TTC7B: variants seen among roughly 807,000 people sequenced by gnomAD.
The protein encoded by TTC7B is tetratricopeptide repeat protein 7B.
Under a neutral mutation model 106.8 loss-of-function variants are expected in TTC7B, and 28 were observed. The ratio of observed to expected loss-of-function variants is 0.26; its 90% CI spans 0.19 to 0.36. The LOEUF is 0.36. Among genes scored for constraint, TTC7B ranks in the 10% least tolerant of loss-of-function variants. The pLI, the probability that TTC7B is intolerant of heterozygous loss-of-function variation, is 1.00. For missense variants in TTC7B, 862 were observed against 1,076.4 expected, an observed-to-expected ratio of 0.80 and a Z score of 2.79; for synonymous variants, 405 against 430.6, an observed-to-expected ratio of 0.94 and a Z score of 0.74.
At chr14:90,673,800 T>C (rs1378068439) in intron 9 of TTC7B, among the ~76,000 whole-genome samples, 1 of 152,192 alleles carries the variant, frequency 6.6e-6, no homozygotes, top group African/African-American at 2.4e-5. Flanking sequence ...TGGATAACCT[T>C]GAAAACATTA....
At chr14:90,680,448 G>A (rs113585644) in intron 8 of TTC7B, 24 bp downstream of exon 8, 198 of 1,595,614 alleles carry the variant, frequency 1.2e-4, no homozygotes, top group Non-Finnish European at 1.5e-4. Context: ...GGGAAAGAAC[G>A]ATGTAAAAAC....
At chr14:90,566,075 G>C (rs116690852) in intron 19 of TTC7B, among the ~76,000 whole-genome samples, 3,347 of 152,288 alleles carry the variant, frequency 0.022, 104 homozygotes, top group African/African-American at 0.077. Context: ...TGATAGACCA[G>C]GCACGGTGGC....
At chr14:90,574,560 T>C (rs1231218073) in intron 19 of TTC7B, among the ~76,000 whole-genome samples, 4 of 152,258 alleles carry the variant, frequency 2.6e-5, no homozygotes, top group African/African-American at 9.6e-5. Flanking sequence ...TTTACATTTC[T>C]CTTGTCAAGT....
chr14:90,640,001 G>A (rs938813160), intron 15 of TTC7B, among the ~76,000 whole-genome samples: 8 of 152,170 alleles, frequency 5.3e-5, no homozygotes, highest in South Asian at 4.1e-4. Flanking sequence ...AGTACACGCC[G>A]GGTGCGGTAG....
At chr14:90,593,662 G>C (rs778783106) in intron 17 of TTC7B, 36 bp from the exon 18 acceptor site, 15 of 1,541,738 alleles carry the variant, frequency 9.7e-6, no homozygotes, top group Non-Finnish European at 1.2e-5. Context: ...TATCAGGAGC[G>C]AAAGAACAGA....
intron 4 of TTC7B, among the ~76,000 whole-genome samples, chr14:90,737,974 C>CAGA (rs1460502809): frequency 1.3e-5 from 2 of 152,254 alleles, no homozygotes; most frequent in African/African-American, 4.8e-5. Context: ...CTGCTGAGTG[C>CAGA]AAGGTTTCTT....
At chr14:90,621,674 C>T (rs575690135) in intron 15 of TTC7B, among the ~76,000 whole-genome samples, 2 of 152,206 alleles carry the variant, frequency 1.3e-5, no homozygotes, top group Non-Finnish European at 2.9e-5. Context: ...AAACACCTGC[C>T]CTGCCCGTCG....
chr14:90,739,666 G>A (rs965277618), intron 4 of TTC7B, among the ~76,000 whole-genome samples: 1 of 152,194 alleles, frequency 6.6e-6, no homozygotes, highest in South Asian at 2.1e-4. Flanking sequence ...AAATGTCATG[G>A]GTACCCCATA....
chr14:90,649,332 C>T (rs1418097499), intron 13 of TTC7B, among the ~76,000 whole-genome samples: 1 of 152,200 alleles, frequency 6.6e-6, no homozygotes, highest in African/African-American at 2.4e-5. Context: ...GAAAAAGCTC[C>T]CTGTGTTGAT....
In TTC7B at chr14:90,808,075, C is replaced by A. The variant is rs1242163514; in HGVS notation, c.121+8100G>T. On this transcript the variant is annotated intron_variant, in intron 1 of 19. Coordinates refer to ENST00000328459, the MANE Select transcript of TTC7B (RefSeq NM_001010854.2). This position sits in a 1 kb window ranked among gnomAD's most constrained non-coding sequence, Gnocchi z 4.2. The stretch of plus-strand genomic sequence containing the variant: ...CTACTCAAGCCCTGAATGAGAATTA[C>A]CCCTGACATCATTCGCTTGTTGTGA... Among the ~76,000 whole-genome samples, 2 of 152,332 alleles carry A rather than the reference C, an allele frequency of 1.3e-5. No individual in the cohort carries two copies. The highest frequency in any genetic ancestry group is 4.8e-5 in the African/African-American group (2 of 41,564).
rs1260789561 is a variant in TTC7B, at chr14:90,533,817, G to A, written c.*7551C>T. The A allele has an allele frequency of 6.6e-6, 1 of 152,448 alleles. No individual in the cohort carries two copies. The highest frequency in any genetic ancestry group is 1.5e-5 in the Non-Finnish European group (1 of 68,196). The allele number at this position is 152,448 out of a possible 1,614,324, so 9.4% of individuals were successfully genotyped here. A position where few individuals can be genotyped will look rare whatever the true frequency, so the allele number is the denominator to read the frequency against. On this transcript the variant is annotated 3_prime_UTR_variant, in exon 20 of 20. Coordinates refer to ENST00000328459, the MANE Select transcript of TTC7B (RefSeq NM_001010854.2). ...GCTGCTGGCTCCAGGCAGACCTGCAGAAGATCCCCCACCACCTTCCTGCCA... is the reference window on the plus strand; with the variant it reads ...GCTGCTGGCTCCAGGCAGACCTGCAAAAGATCCCCCACCACCTTCCTGCCA...
intron 8 of TTC7B, among the ~76,000 whole-genome samples, chr14:90,678,238 T>C (rs1643399867): frequency 6.6e-6 from 1 of 152,244 alleles, no homozygotes; most frequent in Non-Finnish European, 1.5e-5. Flanking sequence ...GTGGTAGTTC[T>C]GCAAATCAAG....
chr14:90,781,296 T>A (rs910359202), intron 2 of TTC7B, among the ~76,000 whole-genome samples: 1 of 152,136 alleles, frequency 6.6e-6, no homozygotes, highest in Admixed American at 6.5e-5. Flanking sequence ...TGGCTAGGAA[T>A]GGGAGGTGGC....
intron 7 of TTC7B, among the ~76,000 whole-genome samples, chr14:90,685,186 C>T (rs896801285): frequency 2.0e-5 from 3 of 152,142 alleles, no homozygotes; most frequent in Admixed American, 6.5e-5. Flanking sequence ...GGATCTCTGC[C>T]ATCTAAATTT....
chr14:90,627,238 G>A (rs1884484706), intron 15 of TTC7B, among the ~76,000 whole-genome samples: 1 of 151,930 alleles, frequency 6.6e-6, no homozygotes, highest in Admixed American at 6.6e-5. Flanking sequence ...CTCCTACCTC[G>A]GCCTCCCAAA....
intron 15 of TTC7B, chr14:90,642,658 A>C (rs553226589): frequency 2.0e-5 from 3 of 152,370 alleles, no homozygotes; most frequent in Admixed American, 1.3e-4. Flanking sequence ...AGTAGCCCAA[A>C]AGACAAAGTC....
At chr14:90,754,329 C>G (rs945256731) in intron 3 of TTC7B, among the ~76,000 whole-genome samples, 1 of 152,206 alleles carries the variant, frequency 6.6e-6, no homozygotes, top group Non-Finnish European at 1.5e-5. Flanking sequence ...TAAAGCAGTA[C>G]AGCAGAGTAG....
At chr14:90,721,347 TC>T (rs1888890072) in intron 5 of TTC7B, among the ~76,000 whole-genome samples, 1 of 152,172 alleles carries the variant, frequency 6.6e-6, no homozygotes. Context: ...CCACAATTCA[TC>T]ACTGAAAAGA....
chr14:90,737,427 A>C (rs1051355451), intron 4 of TTC7B, among the ~76,000 whole-genome samples: 3 of 152,168 alleles, frequency 2.0e-5, no homozygotes, highest in African/African-American at 7.2e-5. Flanking sequence ...ACAATGGCAC[A>C]ATTATTTAAC....
Sources: gnomAD v4.1 joint callset for allele counts (sites outside exome capture counted in the v4.1 genomes callset) on GRCh38, gnomAD v4.1.1 for gene constraint, Gnocchi (gnomAD v3.1) non-coding constraint, MANE v1.5 for transcripts, NCBI Gene and HGNC (gene_info 2026-07-23, HGNC 2026-07-21) for gene names.